Variants in TUB observed in about 807,000 individuals in gnomAD.
The protein encoded by TUB is tubby protein homolog.
TUB carries 33 observed loss-of-function variants against 59.7 expected under a neutral mutation model. The observed-to-expected ratio is 0.55, with a 90% CI of 0.42 to 0.74. The LOEUF is 0.74. Ranked by LOEUF, TUB falls within the 30% of genes least tolerant of loss-of-function variation. TUB has a pLI of 0.00. For synonymous variants in TUB, 293 were observed against 256.4 expected (o/e 1.14, Z -1.36); for missense variants, 659 against 672.0 (o/e 0.98, Z 0.21).
At chr11:8,093,197 T>G (rs1589967993) in intron 3 of TUB, among the ~76,000 whole-genome samples, 1 of 150,750 alleles carries the variant, frequency 6.6e-6, no homozygotes, top group Admixed American at 6.6e-5. Context: ...CCTCGGGAGG[T>G]GACATCCAAG....
chr11:8,089,556 GTA>G (rs3060942), intron 1 of TUB, 52 bp from the exon 2 acceptor site: 182,062 of 1,611,358 alleles, frequency 0.11, 12,904 homozygotes, highest in African/African-American at 0.34. Context: ...GCTCTGGGCT[GTA>G]TATCCTGGCA....
At chr11:8,028,445 C>T (rs1384476914) in intron 1 of TUB, among the ~76,000 whole-genome samples, 2 of 152,116 alleles carry the variant, frequency 1.3e-5, no homozygotes, top group Non-Finnish European at 2.9e-5. Context: ...TGATGAAGTC[C>T]AATTTGTCTT....
At chr11:8,085,304 C>T (rs150917333) in intron 1 of TUB, among the ~76,000 whole-genome samples, 78 of 152,338 alleles carry the variant, frequency 5.1e-4, no homozygotes, top group Admixed American at 1.7e-3. Context: ...GGATGTTCCC[C>T]AGCAGTTCTG....
intron 2 of TUB, among the ~76,000 whole-genome samples, chr11:8,050,128 T>C (rs1019202707): frequency 1.3e-5 from 2 of 152,238 alleles, no homozygotes; most frequent in Non-Finnish European, 1.5e-5. Flanking sequence ...CAATATTAAT[T>C]TGCAAGATGC....
intron 2 of TUB, among the ~76,000 whole-genome samples, chr11:8,044,726 T>C (rs1942803690): frequency 6.6e-6 from 1 of 152,222 alleles, no homozygotes; most frequent in Non-Finnish European, 1.5e-5. Context: ...AAGTCCCAGG[T>C]TGTCACCTAT....
Position 8,081,456 on chromosome 11 carries a change from G to A in TUB, c.-55G>A. 7.2e-7 allele frequency: 1 copy of A among 1,396,508 alleles called. No homozygotes were observed. Among genetic ancestry groups the A allele is most frequent in the South Asian group, 1.5e-5 (1 of 67,650 alleles). 86.5% of individuals were successfully genotyped at this position (1,396,508 alleles called of 1,614,324 possible). On this transcript the variant is annotated 5_prime_UTR_variant, in exon 1 of 12. Coordinates refer to ENST00000299506, the MANE Select transcript of TUB (RefSeq NM_177972.3). ...GGAGCTGAGCAGGGCCCCCGCGCCG[G>A]CCCCTCCGGGCCCCGGCCTCCAGAG...
intron 1 of TUB, among the ~76,000 whole-genome samples, chr11:8,033,240 C>G (rs1350016947): frequency 6.6e-6 from 1 of 152,336 alleles, no homozygotes; most frequent in Middle Eastern, 3.4e-3. Flanking sequence ...CCTTGGTTCC[C>G]TTTTGTACGT....
chr11:8,035,062 T>C (rs1165434171), upstream of TUB, among the ~76,000 whole-genome samples: 2 of 152,148 alleles, frequency 1.3e-5, no homozygotes, highest in African/African-American at 4.8e-5. Flanking sequence ...GTCCCTCCCC[T>C]CCAGGGCTGA....
At chr11:8,063,235 A>G (rs1350992222) in intron 2 of TUB, among the ~76,000 whole-genome samples, 2 of 152,242 alleles carry the variant, frequency 1.3e-5, no homozygotes, top group African/African-American at 4.8e-5. Flanking sequence ...GAGCGCACAC[A>G]AGGACAGTTA....
At chr11:8,047,199 T>C (rs1337133021) in intron 2 of TUB, among the ~76,000 whole-genome samples, 1 of 152,150 alleles carries the variant, frequency 6.6e-6, no homozygotes, top group African/African-American at 2.4e-5. Flanking sequence ...TTTCTGGGCT[T>C]CACCTGTGAC....
At chr11:8,077,556 A>G (rs535338790), upstream of TUB, 2 of 152,322 alleles carry the variant, frequency 1.3e-5, no homozygotes, top group South Asian at 2.1e-4. Context: ...GAATCTCAGT[A>G]ACTGTTACGT....
upstream of TUB, among the ~76,000 whole-genome samples, chr11:8,078,594 A>C (rs986138794): frequency 1.3e-5 from 2 of 152,158 alleles, no homozygotes; most frequent in Admixed American, 1.3e-4. Flanking sequence ...TCTGAGTAGA[A>C]TGTTAACACT....
chr11:8,095,408 C>G, intron 4 of TUB, 90 bp from the exon 5 acceptor site: 2 of 1,394,260 alleles, frequency 1.4e-6, no homozygotes, highest in Non-Finnish European at 1.9e-6. Flanking sequence ...GGTTTCCCCA[C>G]TCTTCCCTCA....
intron 7 of TUB, 45 bp from the exon 8 acceptor site, chr11:8,097,669 G>C (rs367795205): frequency 6.5e-7 from 1 of 1,544,066 alleles, no homozygotes; most frequent in Non-Finnish European, 8.9e-7. Flanking sequence ...ACTGTGTGCA[G>C]ACCAGAGGCT....
chr11:8,100,639 T>C (rs1433244984), intron 10 of TUB, 38 bp downstream of exon 10: 10 of 1,593,778 alleles, frequency 6.3e-6, no homozygotes, highest in South Asian at 1.1e-5. Flanking sequence ...TTCCCCATCA[T>C]CCTAGTCTCT....
At chr11:8,100,435 G>A (rs780594754) in intron 9 of TUB, 68 bp from the exon 10 acceptor site, 112 of 1,252,714 alleles carry the variant, frequency 8.9e-5, no homozygotes, top group Non-Finnish European at 1.1e-4. Flanking sequence ...CTTTATTCCC[G>A]TCCCCCCCAC....
chr11:8,062,716 C>A (rs1319656763), intron 2 of TUB, among the ~76,000 whole-genome samples: 1 of 152,140 alleles, frequency 6.6e-6, no homozygotes. Flanking sequence ...CATTCCCAGG[C>A]TCTGCCCACA....
chr11:8,029,442 G>A (rs1942541392), intron 1 of TUB, among the ~76,000 whole-genome samples: 1 of 145,800 alleles, frequency 6.9e-6, no homozygotes, highest in African/African-American at 2.6e-5. Context: ...AGGCTGGAGT[G>A]CAGTGGTGCG....
At chr11:8,057,236 A>G (rs931480325) in intron 2 of TUB, among the ~76,000 whole-genome samples, 5 of 152,202 alleles carry the variant, frequency 3.3e-5, no homozygotes, top group African/African-American at 1.2e-4. Context: ...TTTGCTCAAC[A>G]TAGCTGTTAT....
Sources: gnomAD v4.1 joint callset for allele counts (sites outside exome capture counted in the v4.1 genomes callset) on GRCh38, gnomAD v4.1.1 for gene constraint, MANE v1.5 for transcripts, NCBI Gene and HGNC (gene_info 2026-07-23, HGNC 2026-07-21) for gene names.